Variants in THSD7B observed in about 807,000 individuals in gnomAD.
THSD7B encodes the protein thrombospondin type 1 domain containing 7B, also known as thrombospondin type-1 domain-containing protein 7B.
THSD7B carries 138 observed loss-of-function variants against 213.6 expected under a neutral mutation model. The observed-to-expected ratio is 0.65, with a 90% CI of 0.56 to 0.74. THSD7B has a LOEUF of 0.74. Ranked by LOEUF, THSD7B falls within the 30% of genes least tolerant of loss-of-function variation. THSD7B has a pLI of 0.00. For missense variants in THSD7B, 1,931 were observed against 1,991.5 expected (o/e 0.97, Z 0.58); for synonymous variants, 742 against 687.0 (o/e 1.08, Z -1.25).
intron 1 of THSD7B, among the ~76,000 whole-genome samples, chr2:136,852,375 G>A (rs1240443485): frequency 2.6e-5 from 4 of 151,994 alleles, no homozygotes; most frequent in South Asian, 2.1e-4. Context: ...AACCACAGGG[G>A]AGGATTTCAG....
chr2:137,109,514 C>T (rs549206819), intron 4 of THSD7B, among the ~76,000 whole-genome samples: 6 of 152,106 alleles, frequency 3.9e-5, no homozygotes, highest in Non-Finnish European at 7.3e-5. Flanking sequence ...TCAGTAGGAG[C>T]GCTGAGCTTG....
At chr2:137,250,913 C>A (rs1283930710) in intron 10 of THSD7B, among the ~76,000 whole-genome samples, 3 of 152,150 alleles carry the variant, frequency 2.0e-5, no homozygotes, top group Non-Finnish European at 2.9e-5. Context: ...TCTGACCCTT[C>A]TGCTGGAAAT....
intron 1 of THSD7B, among the ~76,000 whole-genome samples, chr2:136,852,898 T>C (rs988099221): frequency 6.6e-6 from 1 of 152,190 alleles, no homozygotes; most frequent in Non-Finnish European, 1.5e-5. Context: ...AAAAATTGTA[T>C]ATGATTTTAA....
At chr2:137,554,147 A>G (rs1477471673) in intron 15 of THSD7B, among the ~76,000 whole-genome samples, 4 of 151,994 alleles carry the variant, frequency 2.6e-5, no homozygotes, top group African/African-American at 9.7e-5. Flanking sequence ...TGTTCCTTCT[A>G]ATCATCCTTT....
rs1687635700 is a variant in THSD7B, at chr2:137,450,858, A to G, written c.2973A>G (p.Glu991=). 1 of 1,605,282 alleles carries G rather than the reference A, an allele frequency of 6.2e-7. No individual in the cohort carries two copies. Among genetic ancestry groups the G allele is most frequent in the Non-Finnish European group, 8.5e-7 (1 of 1,176,556 alleles). ...SFCSSSGYIQ[E]KCVIPCPFDC... is the part of the protein sequence containing the mutation. ...TTTTTCTGTCAGGTTACATTCAAGA[A>G]AAATGTGTCATTCCCTGCCCATTTG... The change falls in exon 15 of 28, where the codon GAA becomes GAG. Residue 991 remains glutamate (E), a synonymous_variant. Transcript: ENST00000409968.
At chr2:136,796,468 G>T (rs1470666053) in intron 1 of THSD7B, among the ~76,000 whole-genome samples, 3 of 151,944 alleles carry the variant, frequency 2.0e-5, no homozygotes, top group Admixed American at 2.0e-4. Context: ...ACAGGTCTGA[G>T]GAGTTTTCTT....
chr2:137,200,655 AT>A (rs902491909), intron 7 of THSD7B, among the ~76,000 whole-genome samples: 54 of 148,892 alleles, frequency 3.6e-4, no homozygotes, highest in Non-Finnish European at 6.0e-4. Flanking sequence ...TGTAACCACT[AT>A]TTTTTTTTTA....
chr2:137,317,782 G>C (rs898060994), intron 12 of THSD7B, among the ~76,000 whole-genome samples: 2 of 152,098 alleles, frequency 1.3e-5, no homozygotes, highest in Non-Finnish European at 2.9e-5. Flanking sequence ...GCTGGGCATG[G>C]TGGCGCACAC....
intron 16 of THSD7B, among the ~76,000 whole-genome samples, chr2:137,571,177 T>C (rs144001364): frequency 1.2e-3 from 180 of 152,312 alleles, no homozygotes; most frequent in African/African-American, 4.0e-3. Context: ...TAGATTAGTA[T>C]TACCTATTCA....
chr2:137,147,529 T>G (rs80211760), intron 5 of THSD7B, among the ~76,000 whole-genome samples: 1 of 145,312 alleles, frequency 6.9e-6, no homozygotes, highest in African/African-American at 2.6e-5. Flanking sequence ...CCTTGTCTGG[T>G]TTTTTTTTTG....
chr2:136,967,292 T>C (rs1394944683), intron 2 of THSD7B, among the ~76,000 whole-genome samples: 1 of 152,242 alleles, frequency 6.6e-6, no homozygotes, highest in African/African-American at 2.4e-5. Flanking sequence ...CTTGCTCATA[T>C]TCCTGGGTTG....
Position 137,538,049 on chromosome 2 carries a change from G to A in THSD7B, c.3139-25172G>A, listed in dbSNP as rs77879375. Among the ~76,000 whole-genome samples, 778 of 151,800 alleles carry A rather than the reference G, an allele frequency of 5.1e-3. 13 individuals carry two copies. The highest frequency in any genetic ancestry group is 0.039 in the East Asian group (199 of 5,140). On this transcript the variant is annotated intron_variant, in intron 15 of 27. Coordinates refer to ENST00000409968, the MANE Select transcript of THSD7B (RefSeq NM_001316349.2). ...CATGGGATCCACATTCCAAGAGTTA[G>A]TCTGGTCTATATGTCCTGTATCCCT...
Position 137,360,781 on chromosome 2 carries a change from G to C in THSD7B, c.2501-44832G>C, listed in dbSNP as rs1341270629. 2.0e-5 allele frequency among the ~76,000 whole-genome samples: 3 copies of C among 152,212 alleles called. No homozygotes were observed. The East Asian group carries it at 5.8e-4, about 29-fold the overall frequency. Reference sequence around the variant, plus strand: ...TGTACACCCCACCTCTGGGGGCAGGGCATAGCTGAACAAAAGGCAGCAGAA... The same window carrying C: ...TGTACACCCCACCTCTGGGGGCAGGCCATAGCTGAACAAAAGGCAGCAGAA... On this transcript the variant is annotated intron_variant, in intron 12 of 27. Coordinates refer to ENST00000409968, the MANE Select transcript of THSD7B (RefSeq NM_001316349.2).
At position 137,056,424 on chromosome 2, in the gene THSD7B, G is replaced by A. The variant is rs754964938; in HGVS notation, c.144G>A (p.Pro48=). ...TCCTTGTTTTTCTGCCTGTAGGTCC[G>A]TGGGGAAGGTGTACAGGAGACTGTG... ...KDNQFIWKPG[P]WGRCTGDCGP... is the part of the protein sequence containing the mutation. Residue 48 remains proline (P), a synonymous_variant, in exon 3 of 28, where the codon CCG becomes CCA. Transcript: ENST00000409968. 1 of 1,606,944 alleles carries A rather than the reference G, an allele frequency of 6.2e-7. No individual in the cohort carries two copies. The highest frequency in any genetic ancestry group is 8.5e-7 in the Non-Finnish European group (1 of 1,175,036).
At chr2:137,256,736 A>C (rs2105078368) in intron 10 of THSD7B, among the ~76,000 whole-genome samples, 1 of 152,352 alleles carries the variant, frequency 6.6e-6, no homozygotes, top group South Asian at 2.1e-4. Context: ...GTGAGACGAC[A>C]TTGGAAACCA....
chr2:137,634,149 C>A (rs1184224567), intron 20 of THSD7B, among the ~76,000 whole-genome samples: 2 of 152,008 alleles, frequency 1.3e-5, no homozygotes, highest in Non-Finnish European at 2.9e-5. Context: ...CAGGAAAGAC[C>A]ATCATTAACT....
chr2:137,479,471 T>C, intron 15 of THSD7B: 1 of 407,952 alleles, frequency 2.5e-6, no homozygotes, highest in Non-Finnish European at 5.0e-6. Context: ...CAGGTCCCTG[T>C]CAGAATGCTC....
At chr2:137,656,607 C>T (rs1683240799) in intron 22 of THSD7B, among the ~76,000 whole-genome samples, 189 bp from the exon 23 acceptor site, 1 of 152,138 alleles carries the variant, frequency 6.6e-6, no homozygotes, top group Admixed American at 6.6e-5. Flanking sequence ...TCTTGTTAAA[C>T]AAGATTAAAC....
chr2:137,065,928 GATT>G (rs1687366855), intron 3 of THSD7B, among the ~76,000 whole-genome samples: 1 of 151,900 alleles, frequency 6.6e-6, no homozygotes, highest in Admixed American at 6.6e-5. Flanking sequence ...TATTTGAACA[GATT>G]ATTATTGTTA....
Sources: gnomAD v4.1 joint callset for allele counts (sites outside exome capture counted in the v4.1 genomes callset) on GRCh38, gnomAD v4.1.1 for gene constraint, MANE v1.5 for transcripts, NCBI Gene and HGNC (gene_info 2026-07-23, HGNC 2026-07-21) for gene names.